Variants in ZBTB20 observed in about 807,000 individuals in gnomAD.
ZBTB20 encodes the protein zinc finger and BTB domain containing 20, also known as zinc finger and BTB domain-containing protein 20.
Under a neutral mutation model 56.9 loss-of-function variants are expected in ZBTB20, and 9 were observed. The ratio of observed to expected loss-of-function variants is 0.16; its 90% CI spans 0.10 to 0.28. ZBTB20 has a LOEUF of 0.28. Ranked by LOEUF, ZBTB20 falls within the 10% of genes least tolerant of loss-of-function variation. The pLI is 1.00. For synonymous variants in ZBTB20, 417 were observed against 420.7 expected, an observed-to-expected ratio of 0.99 and a Z score of 0.11; for missense variants, 655 against 1,003.0, an observed-to-expected ratio of 0.65 and a Z score of 4.69.
At chr3:114,674,676 A>C (rs1469049041) in intron 6 of ZBTB20, among the ~76,000 whole-genome samples, 1 of 152,194 alleles carries the variant, frequency 6.6e-6, no homozygotes, top group Admixed American at 6.5e-5. Flanking sequence ...GGTGATGAAT[A>C]AATGAATGAA....
chr3:114,738,270 A>G (rs1311084474), intron 5 of ZBTB20, among the ~76,000 whole-genome samples: 2 of 151,952 alleles, frequency 1.3e-5, no homozygotes, highest in Admixed American at 1.3e-4. Flanking sequence ...CCCAATTTTT[A>G]TTTTGATAAA....
chr3:114,405,437 T>C (rs924095237), intron 7 of ZBTB20, among the ~76,000 whole-genome samples: 3 of 152,154 alleles, frequency 2.0e-5, no homozygotes, highest in Non-Finnish European at 4.4e-5. Flanking sequence ...GACGGTCTTA[T>C]CATCAACAGC....
At position 114,660,547 on chromosome 3, in the gene ZBTB20, T is replaced by A. The variant is rs543012089; in HGVS notation, c.-295+32981A>T. ...TTTCCCCTTTAAATCTTATGAGCTT[T>A]CTTTCAAGTGAACTTTGAGGTAAGG... On this transcript the variant is annotated intron_variant, in intron 6 of 11. Coordinates refer to ENST00000675478, the MANE Select transcript of ZBTB20 (RefSeq NM_001348800.3). Among the ~76,000 whole-genome samples the A allele has an allele frequency of 9.9e-5, 15 of 152,278 alleles. No individual in the cohort carries two copies. The Middle Eastern group carries it at 0.01, about 104-fold the overall frequency.
At chr3:114,886,348 C>A (rs2076599976) in intron 4 of ZBTB20, among the ~76,000 whole-genome samples, 1 of 152,144 alleles carries the variant, frequency 6.6e-6, no homozygotes, top group South Asian at 2.1e-4. Flanking sequence ...ATGGCCATAT[C>A]CATAGTTCTC....
chr3:114,423,841 A>G (rs572837285), intron 7 of ZBTB20, among the ~76,000 whole-genome samples: 2 of 152,332 alleles, frequency 1.3e-5, no homozygotes, highest in African/African-American at 4.8e-5. Context: ...CATAAAAGTT[A>G]AAAATGATCT....
chr3:114,535,160 T>C (rs756274634), intron 6 of ZBTB20, among the ~76,000 whole-genome samples: 2 of 151,696 alleles, frequency 1.3e-5, no homozygotes, highest in African/African-American at 2.4e-5. Flanking sequence ...CTGAAGGAGA[T>C]AGAGACATGA....
chr3:114,395,482 T>C (rs949376447), intron 7 of ZBTB20, among the ~76,000 whole-genome samples: 1 of 152,136 alleles, frequency 6.6e-6, no homozygotes, highest in African/African-American at 2.4e-5. Flanking sequence ...ATTAAGTAGC[T>C]CATCAACCTG....
chr3:115,015,363 C>T lies in ZBTB20; in HGVS notation c.-506-40947G>A, dbSNP rs529346337. On this transcript the variant is annotated intron_variant, in intron 2 of 11. Coordinates refer to ENST00000675478, the MANE Select transcript of ZBTB20 (RefSeq NM_001348800.3). ...ATGTGCAGGATGTGCAAGTTTGTTA[C>T]GTGGGTAAATGTGTGCCATGGTGGT... 3.2e-4 allele frequency among the ~76,000 whole-genome samples: 48 copies of T among 151,806 alleles called. 1 individual carries two copies. The South Asian group carries it at 9.3e-3, about 30-fold the overall frequency.
Position 114,384,120 on chromosome 3 carries a change from C to CTCTCAT in ZBTB20, c.-153-3181_-153-3180insATGAGA, listed in dbSNP as rs1234715171. Among the ~76,000 whole-genome samples the CTCTCAT allele has an allele frequency of 3.3e-3, 491 of 149,466 alleles. 3 individuals carry two copies. The highest frequency in any genetic ancestry group is 0.012 in the African/African-American group (469 of 39,690). On this transcript the variant is annotated intron_variant, in intron 8 of 11. Transcript: ENST00000675478. ...TCTCATTCTCTCTCTCTCTCTCTCT[C>CTCTCAT]TCTCTCTCATTCTCTCTCTCTCTCT... is the stretch of plus-strand genomic sequence containing the variant.
chr3:114,890,880 T>C (rs369111727), intron 4 of ZBTB20, among the ~76,000 whole-genome samples: 19 of 152,220 alleles, frequency 1.2e-4, no homozygotes, highest in African/African-American at 3.9e-4. Context: ...TTCGTTATCT[T>C]TGACTATGCC....
chr3:114,422,620 C>A (rs780068786), intron 7 of ZBTB20, among the ~76,000 whole-genome samples: 5 of 152,094 alleles, frequency 3.3e-5, no homozygotes, highest in African/African-American at 4.8e-5. Context: ...TTCTGAAATG[C>A]ATTAAAATCA....
chr3:115,024,386 C>T (rs112108016), intron 2 of ZBTB20, among the ~76,000 whole-genome samples: 74 of 151,030 alleles, frequency 4.9e-4, no homozygotes, highest in African/African-American at 1.7e-3. Flanking sequence ...CATAATGGGA[C>T]GAAGAACAGG....
intron 5 of ZBTB20, among the ~76,000 whole-genome samples, chr3:114,725,451 C>T (rs2065203470): frequency 1.3e-5 from 2 of 152,152 alleles, no homozygotes; most frequent in Admixed American, 1.3e-4. Context: ...ACAAAAGCAG[C>T]TATTTCCTCC....
chr3:114,543,064 C>T (rs1394755833), intron 6 of ZBTB20, among the ~76,000 whole-genome samples: 1 of 151,992 alleles, frequency 6.6e-6, no homozygotes, highest in African/African-American at 2.4e-5. Context: ...TCCAGGACCC[C>T]ACTGCAGATA....
intron 6 of ZBTB20, among the ~76,000 whole-genome samples, chr3:114,549,236 T>C (rs888278584): frequency 6.6e-6 from 1 of 152,194 alleles, no homozygotes; most frequent in African/African-American, 2.4e-5. Context: ...TTAAATGAGT[T>C]CTTTTCTTAA....
chr3:114,316,351 G>C lies in ZBTB20; in HGVS notation c.*22654C>G. The C allele has an allele frequency of 2.5e-6, 1 of 400,708 alleles. No individual in the cohort carries two copies. Among genetic ancestry groups the C allele is most frequent in the Non-Finnish European group, 4.8e-6 (1 of 207,068 alleles). The allele number at this position is 400,708 out of a possible 1,614,324, so 24.8% of individuals were successfully genotyped here. On this transcript the variant is annotated 3_prime_UTR_variant, in exon 12 of 12. Transcript: ENST00000675478. ...GCAAGTAGCTGTTTTTATTTTTTGT[G>C]ATCTGTTGCAAGAGTCCAACCTTGT...
intron 6 of ZBTB20, among the ~76,000 whole-genome samples, chr3:114,607,457 C>A (rs950242660): frequency 6.6e-6 from 1 of 151,922 alleles, no homozygotes; most frequent in African/African-American, 2.4e-5. Flanking sequence ...CATGCACCCC[C>A]AACGCCGGGC....
intron 2 of ZBTB20, among the ~76,000 whole-genome samples, chr3:115,048,003 G>T (rs764650693): frequency 3.3e-5 from 5 of 151,900 alleles, no homozygotes; most frequent in Non-Finnish European, 7.4e-5. Context: ...GGCAGAACAC[G>T]AGGTCAGGAG....
intron 6 of ZBTB20, among the ~76,000 whole-genome samples, chr3:114,504,566 A>G (rs995157231): frequency 6.6e-6 from 1 of 152,204 alleles, no homozygotes; most frequent in Non-Finnish European, 1.5e-5. Flanking sequence ...TCTTGTCCTC[A>G]TGGAACTTCC....
Sources: gnomAD v4.1 joint callset for allele counts (sites outside exome capture counted in the v4.1 genomes callset) on GRCh38, gnomAD v4.1.1 for gene constraint, MANE v1.5 for transcripts, NCBI Gene and HGNC (gene_info 2026-07-23, HGNC 2026-07-21) for gene names.